USH2A: variants seen among roughly 807,000 people sequenced by gnomAD.
USH2A encodes Usher syndrome 2A (autosomal recessive, mild).
Under a neutral mutation model 538.9 loss-of-function variants are expected in USH2A, and 443 were observed. The observed-to-expected ratio is 0.82, with a 90% CI of 0.76 to 0.89. USH2A has a LOEUF of 0.89. Ranked by LOEUF, USH2A falls within the 40% of genes least tolerant of loss-of-function variation. USH2A has a pLI of 0.00. For missense variants in USH2A, 6,633 were observed against 6,324.8 expected (o/e 1.05, Z -1.65); for synonymous variants, 2,413 against 2,273.5 (o/e 1.06, Z -1.75).
At chr1:216,366,743 C>T (rs904244357) in intron 3 of USH2A, among the ~76,000 whole-genome samples, 18 of 151,964 alleles carry the variant, frequency 1.2e-4, no homozygotes, top group African/African-American at 3.9e-4. Flanking sequence ...TTCTTAAATC[C>T]ATTGATCTAG....
intron 37 of USH2A, among the ~76,000 whole-genome samples, chr1:215,944,698 A>G (rs1002180521): frequency 6.6e-6 from 1 of 152,174 alleles, no homozygotes. Context: ...TAAAGGCTTA[A>G]TAAGAGTAAC....
intron 3 of USH2A, among the ~76,000 whole-genome samples, chr1:216,386,857 T>C (rs888212105): frequency 2.6e-5 from 4 of 151,974 alleles, no homozygotes; most frequent in African/African-American, 9.7e-5. Flanking sequence ...TCCGTCTCAA[T>C]GAGAAAAAAA....
chr1:216,082,412 A>G (rs1211939309), intron 26 of USH2A, among the ~76,000 whole-genome samples: 1 of 150,820 alleles, frequency 6.6e-6, no homozygotes. Context: ...GAAGGGATAA[A>G]TTTCCATTTC....
At chr1:215,745,796 A>G (rs2820721) in intron 58 of USH2A, among the ~76,000 whole-genome samples, 15,125 of 152,230 alleles carry the variant, frequency 0.099, 943 homozygotes, top group Non-Finnish European at 0.13. Flanking sequence ...TTAGAGTAGG[A>G]CAACTTGGGG....
intron 9 of USH2A, among the ~76,000 whole-genome samples, chr1:216,313,176 C>T (rs183949930): frequency 6.6e-5 from 10 of 152,196 alleles, no homozygotes; most frequent in Admixed American, 5.9e-4. Context: ...GGTTTATGCT[C>T]CTATGACAAC....
chr1:216,041,171 A>C (rs1190083197), intron 32 of USH2A, among the ~76,000 whole-genome samples: 1 of 152,082 alleles, frequency 6.6e-6, no homozygotes, highest in Non-Finnish European at 1.5e-5. Context: ...AGTTTGACTT[A>C]AAGTGTGTGC....
intron 59 of USH2A, 151 bp from the exon 60 acceptor site, chr1:215,741,688 G>T: frequency 1.1e-6 from 1 of 876,148 alleles, no homozygotes; most frequent in Non-Finnish European, 1.7e-6. Flanking sequence ...AATTTTTATG[G>T]GATTTGAACA....
chr1:216,039,067 G>A (rs185215994), intron 32 of USH2A, among the ~76,000 whole-genome samples: 1 of 152,054 alleles, frequency 6.6e-6, no homozygotes, highest in Non-Finnish European at 1.5e-5. Flanking sequence ...CACCTTAATG[G>A]AAGAACGACA....
intron 3 of USH2A, among the ~76,000 whole-genome samples, chr1:216,399,494 A>G (rs181239275): frequency 2.4e-4 from 37 of 152,194 alleles, no homozygotes; most frequent in African/African-American, 8.4e-4. Flanking sequence ...GACCCAGTTC[A>G]CAAGAACTGG....
At chr1:215,663,360 G>A (rs960093962) in intron 64 of USH2A, among the ~76,000 whole-genome samples, 12 of 152,138 alleles carry the variant, frequency 7.9e-5, no homozygotes, top group African/African-American at 2.9e-4. Context: ...AAATGAGAAA[G>A]GTGAAGTTAT....
intron 35 of USH2A, among the ~76,000 whole-genome samples, chr1:215,980,766 T>C (rs1216208413): frequency 1.3e-5 from 2 of 152,186 alleles, no homozygotes; most frequent in Admixed American, 6.6e-5. Context: ...ATGTGTTCTA[T>C]ACATGTTTTT....
rs1009545758 is a variant in USH2A, at chr1:215,674,206, T to A, written c.13705A>T (p.Ile4569Phe). 2.5e-6 allele frequency: 4 copies of A among 1,614,054 alleles called. No homozygotes were observed. Among genetic ancestry groups the A allele is most frequent in the African/African-American group, 1.3e-5 (1 of 74,918 alleles). ...NGDIINYTLF[I>F]RELFERETKI... is the part of the protein sequence containing the mutation. ...GTTTCTCTTTCAAATAGTTCACGGA[T>A]GAAGAGGGTATAATTGATGATATCA... Residue 4569 changes from isoleucine to phenylalanine, a missense_variant, in exon 63 of 72, where the codon ATC becomes TTC. Physicochemically the swap from Ile to Phe is conservative, Grantham distance 21. Coordinates refer to ENST00000307340, the MANE Select transcript of USH2A (RefSeq NM_206933.4).
Position 215,674,976 on chromosome 1 carries a change from T to A in USH2A, c.12935A>T (p.Asp4312Val), listed in dbSNP as rs771696018. 1.2e-6 allele frequency: 2 copies of A among 1,614,130 alleles called. No homozygotes were observed. Among genetic ancestry groups the A allele is most frequent in the Non-Finnish European group, 1.7e-6 (2 of 1,180,026 alleles). The change falls in exon 63 of 72, where the codon GAT becomes GTT. Residue 4312 changes from aspartate (D) to valine (V), a missense_variant. Physicochemically the swap from Asp to Val is radical, Grantham distance 152. Transcript: ENST00000307340. ...RNEMLYPFSFDPVTFNYTDEE... is the reference protein window; with the variant it reads ...RNEMLYPFSFVPVTFNYTDEE... ...ATCAGTGTAATTGAAAGTCACAGGA[T>A]CAAAGCTAAAAGGATAGAGCATTTC... is the stretch of plus-strand genomic sequence containing the variant.
intron 26 of USH2A, among the ~76,000 whole-genome samples, chr1:216,082,253 T>TAGATTCATAGACATTACGTTTCAGCGA (rs1424986447): frequency 2.1e-5 from 2 of 96,626 alleles, no homozygotes; most frequent in African/African-American, 4.3e-5. Flanking sequence ...CCAAGGTCCT[T>TAGATTCATAGACATTACGTTTCAGCGA]AGATTCATAG....
intron 27 of USH2A, among the ~76,000 whole-genome samples, chr1:216,073,997 A>G (rs1378010992): frequency 1.3e-5 from 2 of 152,248 alleles, no homozygotes; most frequent in South Asian, 2.1e-4. Flanking sequence ...GACAGGGGCC[A>G]GCCTTCACTG....
intron 11 of USH2A, among the ~76,000 whole-genome samples, chr1:216,288,020 A>AT (rs2036919889): frequency 6.6e-6 from 1 of 152,142 alleles, no homozygotes; most frequent in South Asian, 2.1e-4. Flanking sequence ...AAATAAATTA[A>AT]TTTTACAGAG....
At chr1:215,938,647 G>A (rs1026581247) in intron 37 of USH2A, among the ~76,000 whole-genome samples, 1 of 152,082 alleles carries the variant, frequency 6.6e-6, no homozygotes, top group African/African-American at 2.4e-5. Flanking sequence ...AGTATAAGTG[G>A]ATGGTGCAAG....
In USH2A at chr1:216,078,162, C is replaced by T. The variant is rs2031816050; in HGVS notation, c.5499G>A (p.Val1833=). 1 of 1,613,552 alleles carries T rather than the reference C, an allele frequency of 6.2e-7. No homozygotes were observed. Among genetic ancestry groups the T allele is most frequent in the Non-Finnish European group, 8.5e-7 (1 of 1,179,722 alleles). The change falls in exon 27 of 72, where the codon GTG becomes GTA. Residue 1833 remains valine (V), a synonymous_variant. Coordinates refer to ENST00000307340, the MANE Select transcript of USH2A (RefSeq NM_206933.4). ...ASESGDQPLV[V]NSPVYVGGIP... ...TTCCTCCCACATAAACTGGTGAATT[C>T]ACCACCAGTGGCTGGTCTCCGGACT... is the stretch of plus-strand genomic sequence containing the variant.
intron 21 of USH2A, among the ~76,000 whole-genome samples, chr1:216,116,252 A>G (rs921357215): frequency 1.3e-5 from 2 of 152,142 alleles, no homozygotes; most frequent in Non-Finnish European, 2.9e-5. Context: ...TAATAAACAT[A>G]CAGATACTTC....
Sources: gnomAD v4.1 joint callset for allele counts (sites outside exome capture counted in the v4.1 genomes callset) on GRCh38, gnomAD v4.1.1 for gene constraint, MANE v1.5 for transcripts, NCBI Gene and HGNC (gene_info 2026-07-23, HGNC 2026-07-21) for gene names.